HIRA: variants seen among roughly 807,000 people sequenced by gnomAD.
HIRA encodes protein HIRA.
Under a neutral mutation model 126.6 loss-of-function variants are expected in HIRA, and 13 were observed. That is an observed-to-expected ratio of 0.10 (90% CI 0.07 to 0.16). The LOEUF is 0.16. HIRA is among the 10% of genes least tolerant of loss of function. HIRA has a pLI of 1.00. For missense variants in HIRA, 834 were observed against 1,314.4 expected (o/e 0.63, Z 5.65); for synonymous variants, 511 against 520.0 (o/e 0.98, Z 0.24).
intron 1 of HIRA, among the ~76,000 whole-genome samples, chr22:19,417,322 C>T (rs1009262861): frequency 2.0e-5 from 3 of 152,080 alleles, no homozygotes; most frequent in Non-Finnish European, 2.9e-5. Flanking sequence ...TACCTCACAT[C>T]CATTAAGATG....
chr22:19,378,130 A>G (rs191539469), intron 13 of HIRA, 64 bp from the exon 14 acceptor site: 14 of 1,271,206 alleles, frequency 1.1e-5, no homozygotes, highest in East Asian at 5.2e-5. Context: ...TACTTTATAC[A>G]TTCAAATAAC....
At position 19,359,576 on chromosome 22, in the gene HIRA, C is replaced by T. The variant is rs1404810119; in HGVS notation, c.2086-92G>A. ...TCTGTAGCCTGGGGCCCCAAGGCAG[C>T]AGCAGGATACAGAGGCAGACTGGCT... On this transcript the variant is annotated intron_variant, in intron 17 of 24. Coordinates refer to ENST00000263208, the MANE Select transcript of HIRA (RefSeq NM_003325.4). 8.3e-6 allele frequency: 11 copies of T among 1,331,840 alleles called. No individual in the cohort carries two copies. The East Asian group carries it at 2.7e-4, about 33-fold the overall frequency. 82.5% of individuals were successfully genotyped at this position (1,331,840 alleles called of 1,614,324 possible).
At chr22:19,419,849 C>T (rs2089429343) in intron 1 of HIRA, among the ~76,000 whole-genome samples, 1 of 152,242 alleles carries the variant, frequency 6.6e-6, no homozygotes, top group South Asian at 2.1e-4. Context: ...ATTTCGCCAA[C>T]TGCCTGCAGG....
intron 14 of HIRA, 130 bp downstream of exon 14, chr22:19,377,739 C>T (rs894478358): frequency 1.6e-5 from 12 of 774,164 alleles, no homozygotes; most frequent in South Asian, 9.4e-5. Flanking sequence ...TTTCAAATCA[C>T]GCATTTTTTT....
chr22:19,367,836 T>C (rs1601822156), intron 15 of HIRA, among the ~76,000 whole-genome samples: 1 of 152,228 alleles, frequency 6.6e-6, no homozygotes, highest in Non-Finnish European at 1.5e-5. Flanking sequence ...TTTTGATCCA[T>C]AGTTGGCTGA....
chr22:19,366,396 G>C (rs1435408392), intron 15 of HIRA, among the ~76,000 whole-genome samples: 2 of 152,164 alleles, frequency 1.3e-5, no homozygotes, highest in Non-Finnish European at 2.9e-5. Context: ...AGCTATATCA[G>C]ATTCCTCTGG....
In HIRA at chr22:19,415,877, TA is replaced by T. The variant is rs920118293; in HGVS notation, c.38-5100del. On this transcript the variant is annotated intron_variant, in intron 1 of 24. Transcript: ENST00000263208. Reference sequence around the variant, plus strand: ...ATCCCAATGGTACTTTCTGCAGAAATAAAAAAAAAAATCGATCCCAAAATTC... The same window carrying T: ...ATCCCAATGGTACTTTCTGCAGAAATAAAAAAAAAATCGATCCCAAAATTC... Among the ~76,000 whole-genome samples, 744 of 147,336 alleles carry T rather than the reference TA, an allele frequency of 5.0e-3. 6 individuals are homozygous for T. Among genetic ancestry groups the T allele is most frequent in the African/African-American group, 0.017 (677 of 40,754 alleles).
In HIRA at chr22:19,431,456, G is replaced by A. The variant is rs574089166; in HGVS notation, c.21C>T (p.Thr7=). The A allele has an allele frequency of 1.6e-4, 251 of 1,608,206 alleles. No individual in the cohort carries two copies. Among genetic ancestry groups the A allele is most frequent in the Middle Eastern group, 9.9e-4 (6 of 6,046 alleles). The change falls in exon 1 of 25, where the codon ACC becomes ACT. Residue 7 remains threonine (T), a synonymous_variant. Coordinates refer to ENST00000263208, the MANE Select transcript of HIRA (RefSeq NM_003325.4). ...CGCACTCACCATTGTGGTTGACCCA[G>A]GTCGGCTTCAGGAGCTTCATTGTTC... The part of the protein sequence containing the change: MKLLKP[T]WVNHNGKPIF...
intron 24 of HIRA, among the ~76,000 whole-genome samples, chr22:19,338,394 A>G (rs987725400): frequency 3.4e-4 from 47 of 136,776 alleles, no homozygotes; most frequent in Admixed American, 2.4e-3. Flanking sequence ...GGGTCTATAA[A>G]ACAATAACAA....
At chr22:19,369,705 G>A (rs2088947626) in intron 15 of HIRA, among the ~76,000 whole-genome samples, 1 of 152,142 alleles carries the variant, frequency 6.6e-6, no homozygotes, top group South Asian at 2.1e-4. Context: ...GCCGAGGTGG[G>A]CGCATCACTT....
chr22:19,347,122 G>A (rs1422300092), intron 24 of HIRA, among the ~76,000 whole-genome samples: 1 of 152,206 alleles, frequency 6.6e-6, no homozygotes, highest in African/African-American at 2.4e-5. Context: ...TCACTGGGCA[G>A]GTTTCTGCCT....
intron 17 of HIRA, 100 bp from the exon 18 acceptor site, chr22:19,359,584 T>G: frequency 7.7e-7 from 1 of 1,298,414 alleles, no homozygotes; most frequent in Non-Finnish European, 1.0e-6. Flanking sequence ...AGCAGCAGGA[T>G]ACAGAGGCAG....
At chr22:19,342,230 A>G (rs1358332872) in intron 24 of HIRA, among the ~76,000 whole-genome samples, 2 of 152,244 alleles carry the variant, frequency 1.3e-5, no homozygotes, top group African/African-American at 4.8e-5. Context: ...TATCAGGGAA[A>G]TGCAAATCAA....
intron 8 of HIRA, 47 bp downstream of exon 8, chr22:19,394,295 T>A (rs532861272): frequency 6.3e-7 from 1 of 1,583,690 alleles, no homozygotes; most frequent in Non-Finnish European, 8.6e-7. Context: ...GAATTAATAT[T>A]TGCTGAATCT....
intron 24 of HIRA, among the ~76,000 whole-genome samples, chr22:19,348,689 G>A (rs2088717798): frequency 6.6e-6 from 1 of 151,920 alleles, no homozygotes; most frequent in Non-Finnish European, 1.5e-5. Flanking sequence ...TAGAGATGGG[G>A]TTTCACTAAG....
chr22:19,375,793 C>T lies in HIRA; in HGVS notation c.1614-1G>A. 1.2e-6 allele frequency: 2 copies of T among 1,614,004 alleles called. No homozygotes were observed. The highest frequency in any genetic ancestry group is 1.7e-6 in the Non-Finnish European group (2 of 1,179,940). ...AGCAGGAGTAGAGGTAGCATTCATA[C>T]TGGGGTGAAGAAGAGGGGAGGCATG... is the stretch of plus-strand genomic sequence containing the variant. On this transcript the variant is annotated splice_acceptor_variant, in intron 14 of 24. Transcript: ENST00000263208. LOFTEE classifies it high-confidence loss of function.
At chr22:19,355,465 A>G (rs1489150805) in intron 21 of HIRA, among the ~76,000 whole-genome samples, 2 of 152,190 alleles carry the variant, frequency 1.3e-5, no homozygotes, top group Admixed American at 1.3e-4. Context: ...CATGGTGGCT[A>G]AGGGGGCCAC....
chr22:19,334,496 C>CA (rs2088539946), intron 24 of HIRA, among the ~76,000 whole-genome samples: 1 of 150,712 alleles, frequency 6.6e-6, no homozygotes, highest in Non-Finnish European at 1.5e-5. Flanking sequence ...ACTAAAAATA[C>CA]AAAAATTAGG....
chr22:19,351,893 G>T lies in HIRA; in HGVS notation c.2849-447C>A, dbSNP rs1009513972. On this transcript the variant is annotated intron_variant, in intron 23 of 24. Coordinates refer to ENST00000263208, the MANE Select transcript of HIRA (RefSeq NM_003325.4). The surrounding 1 kb of genome is among the most constrained non-coding windows in gnomAD (Gnocchi z 4.8). ...GATGGCAAAGGCATGACTGAAGAGG[G>T]GCAACTGAGTGGAGGGGGCATAGGT... Among the ~76,000 whole-genome samples, 3 of 152,086 alleles carry T rather than the reference G, an allele frequency of 2.0e-5. No individual in the cohort carries two copies. The highest frequency in any genetic ancestry group is 6.6e-5 in the Admixed American group (1 of 15,256).
Sources: gnomAD v4.1 joint callset for allele counts (sites outside exome capture counted in the v4.1 genomes callset) on GRCh38, gnomAD v4.1.1 for gene constraint, Gnocchi (gnomAD v3.1) non-coding constraint, MANE v1.5 for transcripts, NCBI Gene and HGNC (gene_info 2026-07-23, HGNC 2026-07-21) for gene names.